PRICKLE2: variants seen among roughly 807,000 people sequenced by gnomAD.
PRICKLE2 encodes the protein prickle planar cell polarity protein 2.
Under a neutral mutation model 81.4 loss-of-function variants are expected in PRICKLE2, and 21 were observed. That is an observed-to-expected ratio of 0.26 (90% confidence interval 0.18 to 0.37). The LOEUF is 0.37. Among genes scored for constraint, PRICKLE2 ranks in the 10% least tolerant of loss-of-function variants. PRICKLE2 has a pLI of 1.00. For missense variants in PRICKLE2, 940 were observed against 1,109.0 expected (o/e 0.85, Z 2.16); for synonymous variants, 456 against 421.5 (o/e 1.08, Z -1.00).
At position 64,171,620 on chromosome 3, in the gene PRICKLE2, G is replaced by A. The variant is rs777546408; in HGVS notation, c.145-8491C>T. On this transcript the variant is annotated intron_variant, in intron 2 of 7. Coordinates refer to ENST00000638394, the MANE Select transcript of PRICKLE2 (RefSeq NM_198859.4). ...GGCATGTACAAGATACTCAATAAGT[G>A]TTTGTTGAATGGATGCATGCTGTAT... Among the ~76,000 whole-genome samples the A allele has an allele frequency of 2.6e-5, 4 of 152,306 alleles. No individual in the cohort carries two copies. The South Asian group carries it at 6.2e-4, about 24-fold the overall frequency.
At chr3:64,163,504 C>T (rs2077768951) in intron 2 of PRICKLE2, 1 of 328,626 alleles carries the variant, frequency 3.0e-6, no homozygotes. Context: ...ACGTGCCTCC[C>T]TAGCCAAAGG....
intron 1 of PRICKLE2, among the ~76,000 whole-genome samples, chr3:64,216,224 C>G (rs887092576): frequency 4.6e-5 from 7 of 152,206 alleles, no homozygotes; most frequent in Non-Finnish European, 8.8e-5. Flanking sequence ...GCCAACTTAG[C>G]AGTTTTAAAC....
At chr3:64,240,857 C>G (rs561142131) in intron 2 of PRICKLE2, among the ~76,000 whole-genome samples, 1 of 152,254 alleles carries the variant, frequency 6.6e-6, no homozygotes, top group Admixed American at 6.5e-5. Context: ...AACCAATGGT[C>G]TAAATAATCC....
chr3:64,131,582 T>A (rs867846865), intron 7 of PRICKLE2, among the ~76,000 whole-genome samples: 34 of 152,238 alleles, frequency 2.2e-4, no homozygotes, highest in African/African-American at 8.0e-4. Flanking sequence ...TATTAGTTAC[T>A]TGGCTAAGCC....
intron 7 of PRICKLE2, chr3:64,103,191 A>G (rs1304097561): frequency 6.6e-6 from 1 of 152,178 alleles, no homozygotes; most frequent in Non-Finnish European, 1.5e-5. Context: ...ATCTGGACAC[A>G]TTTTTGGTTG....
chr3:64,110,959 C>CAAAAA lies in PRICKLE2; in HGVS notation c.1661-11039_1661-11035dup, dbSNP rs550808708. On this transcript the variant is annotated intron_variant, in intron 7 of 7. Transcript: ENST00000638394. ...CCTGGGAGACAGACAGACTCCATCT[C>CAAAAA]AAAAAAAAAAAAAAAAAAAAAAAAA... is the stretch of plus-strand genomic sequence containing the variant. Among the ~76,000 whole-genome samples the CAAAAA allele has an allele frequency of 1.8e-3, 117 of 63,802 alleles. 2 individuals carry two copies. The highest frequency in any genetic ancestry group is 2.2e-3 in the Non-Finnish European group (84 of 37,650). 41.9% of individuals were successfully genotyped at this position (63,802 alleles called of 152,430 possible). A position where few individuals can be genotyped will look rare whatever the true frequency, so the allele number is the denominator to read the frequency against.
intron 1 of PRICKLE2, among the ~76,000 whole-genome samples, chr3:64,214,611 G>A (rs958805967): frequency 6.6e-6 from 1 of 152,180 alleles, no homozygotes. Flanking sequence ...TGAAAGGAAG[G>A]AGGAAAGTAC....
At chr3:64,161,588 T>C (rs1043429935) in intron 3 of PRICKLE2, among the ~76,000 whole-genome samples, 1 of 152,106 alleles carries the variant, frequency 6.6e-6, no homozygotes, top group African/African-American at 2.4e-5. Flanking sequence ...ACACACACAA[T>C]TCCTACCAAT....
intron 3 of PRICKLE2, among the ~76,000 whole-genome samples, chr3:64,160,380 A>G (rs143941592): frequency 6.6e-6 from 1 of 152,270 alleles, no homozygotes; most frequent in African/African-American, 2.4e-5. Flanking sequence ...CCATGTTAAG[A>G]TCAAATCATC....
chr3:64,210,551 G>C (rs1261907735), intron 1 of PRICKLE2, among the ~76,000 whole-genome samples: 1 of 152,132 alleles, frequency 6.6e-6, no homozygotes, highest in Non-Finnish European at 1.5e-5. Context: ...AGCGGCTCTG[G>C]CCATCTGCAC....
intron 1 of PRICKLE2, 61 bp from the exon 2 acceptor site, chr3:64,199,028 C>T (rs570820745): frequency 2.0e-6 from 3 of 1,501,832 alleles, no homozygotes; most frequent in East Asian, 2.3e-5. Context: ...TTTCCAAGAG[C>T]CTGCCAGTCA....
intron 2 of PRICKLE2, among the ~76,000 whole-genome samples, chr3:64,256,020 G>A (rs2079519754): frequency 6.6e-6 from 1 of 152,182 alleles, no homozygotes; most frequent in African/African-American, 2.4e-5. Context: ...ACATAGTGAA[G>A]CTGCTAGACT....
chr3:64,256,605 T>TC (rs1425508870), intron 2 of PRICKLE2, among the ~76,000 whole-genome samples: 6 of 152,088 alleles, frequency 3.9e-5, no homozygotes, highest in African/African-American at 7.2e-5. Flanking sequence ...AAATTAAATC[T>TC]CAAAAAAAGC....
At chr3:64,232,756 A>G (rs1202076031) in intron 2 of PRICKLE2, among the ~76,000 whole-genome samples, 1 of 152,044 alleles carries the variant, frequency 6.6e-6, no homozygotes, top group South Asian at 2.1e-4. Flanking sequence ...CCATCTCTTA[A>G]TTCCCAGTTG....
chr3:64,176,267 C>G (rs930808915), intron 2 of PRICKLE2, among the ~76,000 whole-genome samples: 1 of 152,190 alleles, frequency 6.6e-6, no homozygotes, highest in Admixed American at 6.5e-5. Context: ...GATGCTAAAA[C>G]TGGGTGACAC....
chr3:64,179,019 C>CTTTCTTTCTTTCTTTA (rs1553648497), intron 2 of PRICKLE2, among the ~76,000 whole-genome samples: 1 of 132,238 alleles, frequency 7.6e-6, no homozygotes, highest in African/African-American at 2.9e-5. Flanking sequence ...TTCTTTCTTT[C>CTTTCTTTCTTTCTTTA]TTTCTTTCTT....
chr3:64,229,999 C>T (rs927929271), upstream of PRICKLE2, among the ~76,000 whole-genome samples: 4 of 152,150 alleles, frequency 2.6e-5, no homozygotes, highest in Non-Finnish European at 4.4e-5. Flanking sequence ...TTCTAAGTAG[C>T]GACTCAGGGA....
At chr3:64,261,282 A>T (rs1204274940) in intron 2 of PRICKLE2, among the ~76,000 whole-genome samples, 3 of 152,158 alleles carry the variant, frequency 2.0e-5, no homozygotes, top group African/African-American at 4.8e-5. Context: ...TAACTTAAAA[A>T]TTTTTAATTT....
At chr3:64,198,260 CA>C (rs1163724704) in intron 2 of PRICKLE2, among the ~76,000 whole-genome samples, 1 of 136,660 alleles carries the variant, frequency 7.3e-6, no homozygotes, top group Non-Finnish European at 1.6e-5. Context: ...ATAAATAAAA[CA>C]AAAAAAATTT....
Sources: gnomAD v4.1 joint callset for allele counts (sites outside exome capture counted in the v4.1 genomes callset) on GRCh38, gnomAD v4.1.1 for gene constraint, MANE v1.5 for transcripts, NCBI Gene and HGNC (gene_info 2026-07-23, HGNC 2026-07-21) for gene names.